The following ELMO2 variants were observed in gnomAD, a reference collection of about 807,000 sequenced individuals.
ELMO2 encodes engulfment and cell motility protein 2.
In ELMO2, 37 loss-of-function variants were observed where a neutral mutation model predicts 96.2. That is an observed-to-expected ratio of 0.38 (90% CI 0.30 to 0.51). ELMO2 has a LOEUF of 0.51. Ranked by LOEUF, ELMO2 falls within the 20% of genes least tolerant of loss-of-function variation. ELMO2 has a pLI of 0.88. For missense variants in ELMO2, 561 were observed against 912.6 expected, an observed-to-expected ratio of 0.61 and a Z score of 4.96; for synonymous variants, 315 against 329.4, an observed-to-expected ratio of 0.96 and a Z score of 0.47.
chr20:46,384,806 A>T (rs994066921), intron 9 of ELMO2, among the ~76,000 whole-genome samples: 16 of 151,888 alleles, frequency 1.1e-4, no homozygotes, highest in African/African-American at 2.4e-4. Context: ...AAAAATAAAA[A>T]AAAAAAAAAA....
intron 4 of ELMO2, among the ~76,000 whole-genome samples, 181 bp from the exon 5 acceptor site, chr20:46,393,782 C>A (rs1238475326): frequency 6.6e-6 from 1 of 152,118 alleles, no homozygotes; most frequent in East Asian, 1.9e-4. Flanking sequence ...AAGATGAGCA[C>A]CACAATAGGA....
chr20:46,384,103 C>G (rs2060001526), intron 9 of ELMO2, among the ~76,000 whole-genome samples: 3 of 152,020 alleles, frequency 2.0e-5, no homozygotes, highest in Admixed American at 2.0e-4. Context: ...ATAATGAGAT[C>G]CCGATTTTGT....
intron 15 of ELMO2, among the ~76,000 whole-genome samples, chr20:46,373,843 A>G (rs527680280): frequency 1.3e-5 from 2 of 152,296 alleles, no homozygotes; most frequent in Admixed American, 1.3e-4. Flanking sequence ...AATAAGGATA[A>G]GATGGAATTA....
At chr20:46,373,220 C>T in intron 16 of ELMO2, 179 bp downstream of exon 16, 1 of 751,278 alleles carries the variant, frequency 1.3e-6, no homozygotes, top group Non-Finnish European at 2.1e-6. Context: ...AGCTCAAGGT[C>T]ACAGAGGGAG....
chr20:46,388,136 A>G (rs760183400), intron 7 of ELMO2, among the ~76,000 whole-genome samples: 1 of 152,250 alleles, frequency 6.6e-6, no homozygotes, highest in Non-Finnish European at 1.5e-5. Context: ...ATTCTCATTA[A>G]CAATACTTCT....
chr20:46,372,425 G>GT (rs2059740046), intron 16 of ELMO2, among the ~76,000 whole-genome samples: 1 of 152,222 alleles, frequency 6.6e-6, no homozygotes, highest in African/African-American at 2.4e-5. Context: ...GAGGTCAGGA[G>GT]TTTGAGACCA....
At position 46,373,394 on chromosome 20, in the gene ELMO2, C is replaced by A. The variant is rs2059772979; in HGVS notation, c.1416+5G>T. 6.2e-7 allele frequency: 1 copy of A among 1,614,196 alleles called. No homozygotes were observed. Among genetic ancestry groups the A allele is most frequent in the South Asian group, 1.1e-5 (1 of 91,086 alleles). ...TGGGCCTCAGAGCAGCCCGGAGACA[C>A]TGACCTTGTTGAAGTCCTCTGCTGT... On this transcript the variant is annotated splice_donor_5th_base_variant and intron_variant, in intron 16 of 21. Transcript: ENST00000290246.
intron 6 of ELMO2, chr20:46,390,687 T>G (rs1248409950): frequency 6.6e-6 from 1 of 152,232 alleles, no homozygotes; most frequent in Non-Finnish European, 1.5e-5. Context: ...TTTAATGTTC[T>G]CCACTAGAAA....
At chr20:46,404,492 A>G (rs1247924245) in intron 1 of ELMO2, among the ~76,000 whole-genome samples, 1 of 152,184 alleles carries the variant, frequency 6.6e-6, no homozygotes, top group Non-Finnish European at 1.5e-5. Flanking sequence ...CACCTCCTCC[A>G]CTTACAAACT....
In ELMO2 at chr20:46,387,446, C is replaced by T. The variant is rs368722906; in HGVS notation, c.426-9G>A. On this transcript the variant is annotated splice_polypyrimidine_tract_variant and intron_variant, in intron 7 of 21. Coordinates refer to ENST00000290246, the MANE Select transcript of ELMO2 (RefSeq NM_133171.5). ...CCAGCATCTCACTGTAGCTGAGACA[C>T]GTGCAACACACACACAAAATAGACA... The T allele has an allele frequency of 2.7e-5, 44 of 1,607,476 alleles. No individual in the cohort carries two copies. The highest frequency in any genetic ancestry group is 4.5e-5 in the East Asian group (2 of 44,852).
Position 46,375,761 on chromosome 20 carries a change from T to G in ELMO2, c.837A>C (p.Lys279Asn). 6.2e-7 allele frequency: 1 copy of G among 1,614,194 alleles called. No individual in the cohort carries two copies. The highest frequency in any genetic ancestry group is 8.5e-7 in the Non-Finnish European group (1 of 1,180,020). The change falls in exon 12 of 22, where the codon AAA (lysine) becomes AAC (asparagine). Residue 279 changes from lysine to asparagine, a missense_variant. Lys to Asn is a moderately conservative substitution (Grantham distance 94, BLOSUM62 0). Coordinates refer to ENST00000290246, the MANE Select transcript of ELMO2 (RefSeq NM_133171.5). This position sits in a 1 kb window ranked among gnomAD's most constrained non-coding sequence, Gnocchi z 4.6. Reference sequence around the variant, plus strand: ...CATATAGCTGATGGGCCATCTCAGTTTTGATGGGGCGGTTCCCTCGGATCA... The same window carrying G: ...CATATAGCTGATGGGCCATCTCAGTGTTGATGGGGCGGTTCCCTCGGATCA... ...NHVIRGNRPI[K>N]TEMAHQLYVL... is the part of the protein sequence containing the mutation.
At chr20:46,370,827 C>T (rs2059687418) in intron 19 of ELMO2, among the ~76,000 whole-genome samples, 1 of 152,164 alleles carries the variant, frequency 6.6e-6, no homozygotes, top group Admixed American at 6.5e-5. Context: ...CTTCCCCTCT[C>T]CTTCACAATA....
chr20:46,394,514 A>G lies in ELMO2; in HGVS notation c.-32T>C. The G allele has an allele frequency of 6.2e-7, 1 of 1,609,386 alleles. No homozygotes were observed. The highest frequency in any genetic ancestry group is 8.5e-7 in the Non-Finnish European group (1 of 1,175,610). ...CAATGGGCTCTAATTCTGCGAGACA[A>G]AAACACAGACACGGCTGCCTGGGGA... On this transcript the variant is annotated 5_prime_UTR_variant, in exon 3 of 22. Transcript: ENST00000290246.
At position 46,406,612 on chromosome 20, in the gene ELMO2, G is replaced by A. The variant is rs532099937; in HGVS notation, c.-190C>T. The A allele has an allele frequency of 2.6e-5, 4 of 152,904 alleles. No homozygotes were observed. In the East Asian group the frequency reaches 5.8e-4, roughly 22 times the overall value. 9.5% of individuals were successfully genotyped at this position (152,904 alleles called of 1,614,324 possible). On this transcript the variant is annotated 5_prime_UTR_variant, in exon 1 of 22. Transcript: ENST00000290246. The stretch of plus-strand genomic sequence containing the variant: ...CCGCTCGGCGGCTCCTCCAGCCTCC[G>A]CCCGCCCCGCCTTCTTGGGACCCCG...
At chr20:46,378,185 T>G (rs567617501) in intron 11 of ELMO2, among the ~76,000 whole-genome samples, 1 of 152,364 alleles carries the variant, frequency 6.6e-6, no homozygotes, top group African/African-American at 2.4e-5. Flanking sequence ...TCCAGTCTGA[T>G]GAGTGACAGT....
chr20:46,391,986 A>C (rs918453853), intron 6 of ELMO2, among the ~76,000 whole-genome samples: 1 of 152,132 alleles, frequency 6.6e-6, no homozygotes, highest in African/African-American at 2.4e-5. Context: ...AGTAGACTCA[A>C]AGTCCTCACT....
intron 9 of ELMO2, among the ~76,000 whole-genome samples, chr20:46,385,250 T>C (rs1248928263): frequency 6.6e-6 from 1 of 152,194 alleles, no homozygotes; most frequent in Admixed American, 6.5e-5. Flanking sequence ...AAAGTCCAGC[T>C]TCCTTACATG....
intron 1 of ELMO2, among the ~76,000 whole-genome samples, chr20:46,405,914 C>A (rs2145871353): frequency 6.6e-6 from 1 of 152,294 alleles, no homozygotes; most frequent in East Asian, 1.9e-4. Flanking sequence ...GGAAAGGTTT[C>A]TCTGGGCACG....
intron 20 of ELMO2, chr20:46,370,186 AAC>A (rs1233777911): frequency 1.6e-6 from 1 of 620,564 alleles, no homozygotes; most frequent in African/African-American, 1.8e-5. Context: ...TTACAGATGA[AAC>A]AGTGTGATAC....
Sources: gnomAD v4.1 joint callset for allele counts (sites outside exome capture counted in the v4.1 genomes callset) on GRCh38, gnomAD v4.1.1 for gene constraint, Gnocchi (gnomAD v3.1) non-coding constraint, MANE v1.5 for transcripts, NCBI Gene and HGNC (gene_info 2026-07-23, HGNC 2026-07-21) for gene names.